The following PSD3 variants were observed in gnomAD, a reference collection of about 807,000 sequenced individuals.
The protein encoded by PSD3 is PH and SEC7 domain-containing protein 3.
PSD3 carries 49 observed loss-of-function variants against 105.5 expected under a neutral mutation model. The ratio of observed to expected loss-of-function variants is 0.46; its 90% CI spans 0.37 to 0.59. The LOEUF is 0.59. Among genes scored for constraint, PSD3 ranks in the 20% least tolerant of loss-of-function variants. The pLI is 0.00. For synonymous variants in PSD3, 557 were observed against 457.8 expected, an observed-to-expected ratio of 1.22 and a Z score of -2.77; for missense variants, 1,561 against 1,263.8, an observed-to-expected ratio of 1.24 and a Z score of -3.57.
chr8:18,954,553 C>T (rs1214708099), intron 1 of PSD3, among the ~76,000 whole-genome samples: 3 of 152,102 alleles, frequency 2.0e-5, no homozygotes, highest in African/African-American at 7.2e-5. Flanking sequence ...ATCCATCCAT[C>T]CATCCATCAC....
At chr8:18,815,571 A>G (rs1011533735) in intron 4 of PSD3, among the ~76,000 whole-genome samples, 1 of 152,128 alleles carries the variant, frequency 6.6e-6, no homozygotes, top group Non-Finnish European at 1.5e-5. Flanking sequence ...TCGGCCTCCC[A>G]AAGTGCTGGG....
At chr8:18,763,363 G>T (rs1284432389) in intron 9 of PSD3, among the ~76,000 whole-genome samples, 2 of 152,054 alleles carry the variant, frequency 1.3e-5, no homozygotes, top group East Asian at 3.9e-4. Context: ...TGGAAAGGTG[G>T]CAAAGAAAGA....
In PSD3 at chr8:18,652,496, T is replaced by G. The variant is rs1055940209; in HGVS notation, c.2216+3146A>C. Among the ~76,000 whole-genome samples the G allele has an allele frequency of 7.8e-5, 11 of 141,224 alleles. No homozygotes were observed. In the East Asian group the frequency reaches 2.2e-3, roughly 29 times the overall value. The allele number at this position is 141,224 out of a possible 152,430, so 92.6% of individuals were successfully genotyped here. A position where few individuals can be genotyped will look rare whatever the true frequency, so the allele number is the denominator to read the frequency against. On this transcript the variant is annotated intron_variant, in intron 10 of 15. Transcript: ENST00000327040. ...CTTTTATCAAGGAAAAAGCTTAGTT[T>G]TTTTTTTTTTTTTTTTTTTGAGACC...
At chr8:18,569,572 G>C (rs1431950103) in intron 14 of PSD3, among the ~76,000 whole-genome samples, 2 of 94,538 alleles carry the variant, frequency 2.1e-5, no homozygotes, top group Admixed American at 1.3e-4. Flanking sequence ...TCTTCCAGGA[G>C]AACTACCAAC....
intron 1 of PSD3, among the ~76,000 whole-genome samples, chr8:18,977,854 G>A (rs1398814397): frequency 2.0e-5 from 3 of 152,004 alleles, no homozygotes; most frequent in African/African-American, 7.2e-5. Flanking sequence ...CATTACTTAT[G>A]CAATAAGATT....
At chr8:18,554,287 G>T (rs921546888) in intron 15 of PSD3, among the ~76,000 whole-genome samples, 3 of 152,232 alleles carry the variant, frequency 2.0e-5, no homozygotes, top group African/African-American at 7.2e-5. Flanking sequence ...CACTTCAGAA[G>T]TGTGAAGAAT....
intron 10 of PSD3, among the ~76,000 whole-genome samples, chr8:18,645,175 C>A (rs1807940268): frequency 6.6e-6 from 1 of 152,236 alleles, no homozygotes; most frequent in Non-Finnish European, 1.5e-5. Flanking sequence ...CCTAACACTG[C>A]ATTGGGGATT....
chr8:18,558,126 G>A (rs945783033), intron 14 of PSD3, among the ~76,000 whole-genome samples: 1 of 152,200 alleles, frequency 6.6e-6, no homozygotes, highest in Non-Finnish European at 1.5e-5. Context: ...CTCCAGAACT[G>A]TGAGAAAATA....
At position 18,962,450 on chromosome 8, in the gene PSD3, C is replaced by T. The variant is rs190133160; in HGVS notation, c.22-26308G>A. Among the ~76,000 whole-genome samples the T allele has an allele frequency of 9.2e-5, 14 of 151,864 alleles. 1 individual carries two copies. The East Asian group carries it at 2.7e-3, about 29-fold the overall frequency. On this transcript the variant is annotated intron_variant, in intron 1 of 15. Transcript: ENST00000327040. ...CATTAAAGTTGGGAATATATGACAA[C>T]ACACACACACAGCAAAAGGTATTTT...
chr8:18,753,521 CA>C (rs1330455307), intron 9 of PSD3, among the ~76,000 whole-genome samples: 1 of 152,032 alleles, frequency 6.6e-6, no homozygotes, highest in Non-Finnish European at 1.5e-5. Context: ...CAATTTAGCA[CA>C]AAAACTATGC....
rs539516362 is a variant in PSD3, at chr8:18,881,484, C to CA, written c.131-8752dup. Reference sequence around the variant, plus strand: ...TCTGGCTAGCAAACTCCTGAAAAGACAATAGTTCAAGAAAAACAAAATATA... The same window carrying CA: ...TCTGGCTAGCAAACTCCTGAAAAGACAAATAGTTCAAGAAAAACAAAATATA... On this transcript the variant is annotated intron_variant, in intron 2 of 15. Coordinates refer to ENST00000327040, the MANE Select transcript of PSD3 (RefSeq NM_015310.4). Among the ~76,000 whole-genome samples, 84 of 152,254 alleles carry CA rather than the reference C, an allele frequency of 5.5e-4. 2 individuals carry two copies. The South Asian group carries it at 0.017, about 31-fold the overall frequency.
chr8:18,845,694 T>A (rs1361975187), intron 4 of PSD3, among the ~76,000 whole-genome samples: 1 of 151,998 alleles, frequency 6.6e-6, no homozygotes, highest in African/African-American at 2.4e-5. Context: ...CCCAACACTT[T>A]GAGAGGGCAA....
At chr8:19,059,215 C>T (rs184718375) in intron 1 of PSD3, among the ~76,000 whole-genome samples, 9 of 152,216 alleles carry the variant, frequency 5.9e-5, no homozygotes, top group Non-Finnish European at 1.0e-4. Flanking sequence ...GTCTGCTTCA[C>T]AGTGCCAGGA....
rs11985828 is a variant in PSD3, at chr8:18,599,456, G to A, written c.2481+908C>T. ...GATATTTGCACCCCATGTTCATTGC[G>A]GCATTACTCACAAAAGGTGGAAACG... On this transcript the variant is annotated intron_variant, in intron 12 of 15. Coordinates refer to ENST00000327040, the MANE Select transcript of PSD3 (RefSeq NM_015310.4). Among the ~76,000 whole-genome samples, 624 of 152,154 alleles carry A rather than the reference G, an allele frequency of 4.1e-3. 6 individuals carry two copies. The highest frequency in any genetic ancestry group is 0.014 in the African/African-American group (590 of 41,502).
chr8:18,976,904 T>G (rs942080071), intron 1 of PSD3, among the ~76,000 whole-genome samples: 7 of 152,176 alleles, frequency 4.6e-5, no homozygotes, highest in African/African-American at 1.4e-4. Flanking sequence ...GACGTATATG[T>G]GGCTGTTATA....
chr8:19,018,019 A>G (rs1827231428), upstream of PSD3, among the ~76,000 whole-genome samples: 1 of 152,172 alleles, frequency 6.6e-6, no homozygotes, highest in South Asian at 2.1e-4. Context: ...CTACCAGAGC[A>G]ATGTATGAAG....
chr8:18,817,061 T>C (rs1416196783), intron 4 of PSD3, among the ~76,000 whole-genome samples: 1 of 152,154 alleles, frequency 6.6e-6, no homozygotes, highest in East Asian at 1.9e-4. Context: ...TTTTAAGTGA[T>C]GGCCCAGAGG....
chr8:18,906,447 A>G (rs1819854302), intron 2 of PSD3, among the ~76,000 whole-genome samples: 1 of 152,220 alleles, frequency 6.6e-6, no homozygotes, highest in South Asian at 2.1e-4. Flanking sequence ...CATAGTTAGG[A>G]GCAAACGGGT....
intron 1 of PSD3, among the ~76,000 whole-genome samples, chr8:19,059,103 C>T (rs1828803811): frequency 2.0e-5 from 3 of 152,168 alleles, no homozygotes; most frequent in Admixed American, 1.3e-4. Context: ...CTTATGCCAT[C>T]CACACAGAAA....
Sources: gnomAD v4.1 joint callset for allele counts (sites outside exome capture counted in the v4.1 genomes callset) on GRCh38, gnomAD v4.1.1 for gene constraint, MANE v1.5 for transcripts, NCBI Gene and HGNC (gene_info 2026-07-23, HGNC 2026-07-21) for gene names.